The following FBXL13 variants were observed in gnomAD, a reference collection of about 807,000 sequenced individuals.
The protein encoded by FBXL13 is F-box and leucine-rich repeat protein 13.
In FBXL13, 67 loss-of-function variants were observed where a neutral mutation model predicts 83.6. That is an observed-to-expected ratio of 0.80 (90% confidence interval 0.66 to 0.98). FBXL13 has a LOEUF of 0.98. Ranked by LOEUF, FBXL13 falls within the 50% of genes least tolerant of loss-of-function variation. The pLI is 0.00. For missense variants in FBXL13, 822 were observed against 866.5 expected (o/e 0.95, Z 0.64); for synonymous variants, 272 against 299.5 (o/e 0.91, Z 0.95).
At chr7:102,863,877 C>T (rs2129453674) in intron 16 of FBXL13, among the ~76,000 whole-genome samples, 1 of 152,280 alleles carries the variant, frequency 6.6e-6, no homozygotes, top group Non-Finnish European at 1.5e-5. Flanking sequence ...TCTCTGCCTC[C>T]CTGTTCCCCA....
At chr7:102,830,450 T>C (rs988760143) in intron 18 of FBXL13, among the ~76,000 whole-genome samples, 13 of 152,214 alleles carry the variant, frequency 8.5e-5, no homozygotes, top group Admixed American at 6.5e-4. Context: ...AGAGAGTCAG[T>C]TGGTCAGCGC....
At chr7:102,831,429 A>AC (rs1554403411) in intron 18 of FBXL13, among the ~76,000 whole-genome samples, 1 of 148,662 alleles carries the variant, frequency 6.7e-6, no homozygotes, top group African/African-American at 2.5e-5. Flanking sequence ...ACACACACAC[A>AC]CACCCCACTA....
At chr7:102,984,217 A>G (rs1436877961) in intron 6 of FBXL13, among the ~76,000 whole-genome samples, 4 of 152,192 alleles carry the variant, frequency 2.6e-5, no homozygotes, top group African/African-American at 7.2e-5. Flanking sequence ...AGCCAATTCT[A>G]GGAACCTAAA....
chr7:103,019,121 G>A (rs576885798), intron 6 of FBXL13, among the ~76,000 whole-genome samples: 7 of 152,244 alleles, frequency 4.6e-5, no homozygotes, highest in African/African-American at 1.7e-4. Context: ...ATAACAAACT[G>A]TCTCTCAGAC....
At chr7:102,827,880 A>G (rs1800018294) in intron 18 of FBXL13, among the ~76,000 whole-genome samples, 1 of 152,102 alleles carries the variant, frequency 6.6e-6, no homozygotes, top group Non-Finnish European at 1.5e-5. Context: ...TTTGTCAAAG[A>G]TCAGATGGTT....
intron 2 of FBXL13, among the ~76,000 whole-genome samples, chr7:103,032,394 T>C (rs1794597259): frequency 6.6e-6 from 1 of 152,220 alleles, no homozygotes. Flanking sequence ...TATCCATCTC[T>C]TAAAAAATGA....
chr7:102,923,927 CCTATTTAA>C (rs1317867684), intron 10 of FBXL13, among the ~76,000 whole-genome samples: 1 of 151,264 alleles, frequency 6.6e-6, no homozygotes, highest in East Asian at 2.0e-4. Flanking sequence ...TAATTGGTTA[CCTATTTAA>C]CAACATTTAA....
intron 6 of FBXL13, among the ~76,000 whole-genome samples, chr7:103,009,074 AG>A (rs1399473601): frequency 6.6e-6 from 1 of 152,200 alleles, no homozygotes; most frequent in African/African-American, 2.4e-5. Flanking sequence ...TGATAAACAA[AG>A]GAACATTAGC....
chr7:102,949,934 C>T (rs1823151462), intron 8 of FBXL13, among the ~76,000 whole-genome samples: 1 of 151,918 alleles, frequency 6.6e-6, no homozygotes, highest in Non-Finnish European at 1.5e-5. Flanking sequence ...GGCGAAATCC[C>T]GTCTCTACTA....
Position 102,955,487 on chromosome 7 carries a change from A to C in FBXL13, c.724+8046T>G, listed in dbSNP as rs542024986. On this transcript the variant is annotated intron_variant, in intron 8 of 19. Coordinates refer to ENST00000313221, the Ensembl canonical transcript of FBXL13. ...ACATCACAATTAAAAGAACTAGAGA[A>C]GCAAGAGCAAATTCAAAAGCTAGCA... is the stretch of plus-strand genomic sequence containing the variant. 4.6e-5 allele frequency among the ~76,000 whole-genome samples: 7 copies of C among 152,220 alleles called. No homozygotes were observed. The East Asian group carries it at 1.3e-3, about 29-fold the overall frequency.
intron 8 of FBXL13, among the ~76,000 whole-genome samples, chr7:102,936,871 T>C (rs1820416165): frequency 1.3e-5 from 2 of 152,226 alleles, no homozygotes; most frequent in Non-Finnish European, 2.9e-5. Context: ...GCTTTTATGC[T>C]CTTGGGCCAT....
At chr7:102,920,723 A>G (rs41438745) in intron 10 of FBXL13, among the ~76,000 whole-genome samples, 3,411 of 152,328 alleles carry the variant, frequency 0.022, 149 homozygotes, top group East Asian at 0.16. Flanking sequence ...GAATTTAAAA[A>G]TAGAAGTTAG....
At chr7:102,997,650 A>G (rs937402503) in intron 6 of FBXL13, among the ~76,000 whole-genome samples, 1 of 152,130 alleles carries the variant, frequency 6.6e-6, no homozygotes, top group Non-Finnish European at 1.5e-5. Context: ...TAGTTCCCAC[A>G]ATGAGTGAGA....
At chr7:102,996,222 A>T (rs943627881) in intron 6 of FBXL13, among the ~76,000 whole-genome samples, 1 of 152,202 alleles carries the variant, frequency 6.6e-6, no homozygotes, top group Non-Finnish European at 1.5e-5. Flanking sequence ...TGCTGTTTCC[A>T]TATACAAGCT....
At chr7:102,978,552 A>C (rs1827801012) in intron 6 of FBXL13, 1 of 156,092 alleles carries the variant, frequency 6.4e-6, no homozygotes, top group South Asian at 1.9e-4. Flanking sequence ...AGACTGGGAC[A>C]TTTCCTGTTT....
At chr7:102,813,345 C>T (rs747922312) in exon 20 of FBXL13, 38 of 1,603,744 alleles carry the variant, frequency 2.4e-5, no homozygotes, top group South Asian at 1.9e-4. Flanking sequence ...CTGAAGGTCA[C>T]GCTGCTTGGT....
At chr7:102,893,147 C>G (rs1335556914) in intron 11 of FBXL13, among the ~76,000 whole-genome samples, 1 of 152,216 alleles carries the variant, frequency 6.6e-6, no homozygotes, top group Non-Finnish European at 1.5e-5. Flanking sequence ...TATACCTTCA[C>G]TCCCAGCTCT....
rs909096457 is a variant in FBXL13, at chr7:102,965,749, G to A, written c.592-2084C>T. Among the ~76,000 whole-genome samples, 4 of 152,128 alleles carry A rather than the reference G, an allele frequency of 2.6e-5. No individual in the cohort carries two copies. The East Asian group carries it at 5.8e-4, about 22-fold the overall frequency. On this transcript the variant is annotated intron_variant, in intron 7 of 19. Transcript: ENST00000313221. ...ATAAAAAATAAGCAAATAAGCATACGTCCCCCAACAACTTCTCTTATCTGT... is the reference window on the plus strand; with the variant it reads ...ATAAAAAATAAGCAAATAAGCATACATCCCCCAACAACTTCTCTTATCTGT...
chr7:102,835,609 T>TG (rs1801761934), intron 17 of FBXL13, among the ~76,000 whole-genome samples: 2 of 90,196 alleles, frequency 2.2e-5, no homozygotes, highest in Non-Finnish European at 4.9e-5. Context: ...CATTGTTTTT[T>TG]TTTTTTTTTT....
Sources: allele counts gnomAD v4.1 joint callset (sites outside exome capture counted in the v4.1 genomes callset), GRCh38; gene constraint gnomAD v4.1.1; transcripts MANE v1.5; gene names NCBI Gene and HGNC (gene_info 2026-07-23, HGNC 2026-07-21).